NAT1: variants seen among roughly 807,000 people sequenced by gnomAD.
NAT1 encodes arylamine N-acetyltransferase 1.
For missense variants in NAT1, 400 were observed against 339.2 expected, an observed-to-expected ratio of 1.18 and a Z score of -1.41; for synonymous variants, 144 against 122.6, an observed-to-expected ratio of 1.17 and a Z score of -1.16.
At chr8:18,182,162 G>T (rs7012786) in intron 2 of NAT1, among the ~76,000 whole-genome samples, 78,062 of 151,938 alleles carry the variant, frequency 0.51, 20,334 homozygotes, top group South Asian at 0.64. Context: ...TACTGTGATA[G>T]CTCACCTGAT....
At position 18,217,050 on chromosome 8, in the gene NAT1, A is replaced by G. The variant is rs1023895704; in HGVS notation, c.-85-2361A>G. The G allele has an allele frequency of 3.4e-6, 4 of 1,187,122 alleles. No homozygotes were observed. The Admixed American group carries it at 8.9e-5, about 27-fold the overall frequency. 73.5% of individuals were successfully genotyped at this position (1,187,122 alleles called of 1,614,324 possible). A position where few individuals can be genotyped will look rare whatever the true frequency, so the allele number is the denominator to read the frequency against. ...TCGCATACAAAAAGGGAGAAAGGCA[A>G]CTTGTAGATTGGGTGCTGTGAGTCT... On this transcript the variant is annotated intron_variant, in intron 1 of 2. Transcript: ENST00000307719.
rs1376761356 is a variant in NAT1, at chr8:18,211,371, GAAAC to G, written c.-86+1203_-86+1206del. ...TACTTGTTTGCTCTTTCCTAATTAA[GAAAC>G]AAACAAACAAAAAATCAGACATACT... On this transcript the variant is annotated intron_variant, in intron 1 of 2. Coordinates refer to ENST00000307719, the MANE Select transcript of NAT1 (RefSeq NM_000662.8). 8.5e-5 allele frequency: 13 copies of G among 152,240 alleles called. 1 individual carries two copies. Among genetic ancestry groups the G allele is most frequent in the African/African-American group, 2.6e-4 (11 of 41,540 alleles). 9.4% of individuals were successfully genotyped at this position (152,240 alleles called of 1,614,324 possible). A position where few individuals can be genotyped will look rare whatever the true frequency, so the allele number is the denominator to read the frequency against.
chr8:18,171,727 G>C (rs1475637075), intron 2 of NAT1, among the ~76,000 whole-genome samples: 1 of 152,180 alleles, frequency 6.6e-6, no homozygotes. Flanking sequence ...CCAGACTGCA[G>C]AGTTTATTTA....
At chr8:18,196,778 A>G (rs1037662980) in intron 2 of NAT1, among the ~76,000 whole-genome samples, 5 of 152,222 alleles carry the variant, frequency 3.3e-5, no homozygotes, top group Non-Finnish European at 7.3e-5. Flanking sequence ...TTATTTTAAG[A>G]AAGAGGAAGG....
chr8:18,177,176 T>C (rs781640904), intron 2 of NAT1, among the ~76,000 whole-genome samples: 1 of 152,080 alleles, frequency 6.6e-6, no homozygotes, highest in East Asian at 1.9e-4. Context: ...TCCTTCCTCA[T>C]CTGTCTCTTC....
intron 1 of NAT1, chr8:18,170,585 A>G (rs926543705): frequency 7.2e-5 from 11 of 152,226 alleles, no homozygotes; most frequent in Non-Finnish European, 1.6e-4. Flanking sequence ...ATTCTGAACC[A>G]TCTTCAGTGT....
chr8:18,212,243 A>G (rs901358772), intron 1 of NAT1: 1 of 152,250 alleles, frequency 6.6e-6, no homozygotes, highest in African/African-American at 2.4e-5. Flanking sequence ...GGGATAAATC[A>G]CAATAGTTGG....
chr8:18,197,275 T>C (rs939339537), intron 2 of NAT1, among the ~76,000 whole-genome samples: 4 of 152,160 alleles, frequency 2.6e-5, no homozygotes, highest in African/African-American at 9.7e-5. Context: ...TCTTAAGCAA[T>C]TTTGTGACAC....
chr8:18,184,506 A>C (rs1206008206), intron 2 of NAT1, among the ~76,000 whole-genome samples: 1 of 152,216 alleles, frequency 6.6e-6, no homozygotes. Context: ...TCTTTTATCC[A>C]TTTAATCTAC....
At chr8:18,177,249 C>G (rs1802329195) in intron 2 of NAT1, among the ~76,000 whole-genome samples, 1 of 151,972 alleles carries the variant, frequency 6.6e-6, no homozygotes, top group Admixed American at 6.6e-5. Flanking sequence ...TTTTACCTAT[C>G]CCACTATATT....
Position 18,177,205 on chromosome 8 carries a change from C to T in NAT1, n.92+6466C>T, listed in dbSNP as rs192710811. 4.6e-5 allele frequency among the ~76,000 whole-genome samples: 7 copies of T among 152,058 alleles called. 1 individual carries two copies. In the East Asian group the frequency reaches 1.2e-3, roughly 25 times the overall value. On this transcript the variant is annotated intron_variant and non_coding_transcript_variant, in intron 2 of 4. Transcript: ENST00000517441. ...TCTCTTCCCAATGAAAAAGAATTAA[C>T]GCTCAGAATTACAGTATCTTTTCTT...
Position 18,182,062 on chromosome 8 carries a change from G to C in NAT1, n.92+11323G>C, listed in dbSNP as rs144335232. Reference sequence around the variant, plus strand: ...GTCTCTCTCCTCTCTATGGTGCCTGGCATTGAGGAGAGGTGGTTTTGGCAA... The same window carrying C: ...GTCTCTCTCCTCTCTATGGTGCCTGCCATTGAGGAGAGGTGGTTTTGGCAA... On this transcript the variant is annotated intron_variant and non_coding_transcript_variant, in intron 2 of 4. Coordinates refer to the NAT1 transcript ENST00000517441. Among the ~76,000 whole-genome samples the C allele has an allele frequency of 2.1e-3, 323 of 152,248 alleles. 2 individuals are homozygous for C. Among genetic ancestry groups the C allele is most frequent in the African/African-American group, 7.4e-3 (307 of 41,540 alleles).
chr8:18,222,826 A>C lies in NAT1; in HGVS notation c.779A>C (p.Glu260Ala), dbSNP rs759272916. ...TDLIEFKTLS[E>A]EEIEKVLKNI... ...CTAATAGAGTTCAAGACTCTGAGTG[A>C]GGAAGAAATAGAAAAAGTGCTGAAA... Residue 260 changes from glutamate to alanine, a missense_variant, in exon 3 of 3, where the codon GAG becomes GCG. Physicochemically the swap from Glu to Ala is moderately radical, Grantham distance 107. Coordinates refer to ENST00000307719, the MANE Select transcript of NAT1 (RefSeq NM_000662.8). 62 of 1,606,172 alleles carry C rather than the reference A, an allele frequency of 3.9e-5. No homozygotes were observed. The highest frequency in any genetic ancestry group is 5.2e-5 in the Non-Finnish European group (61 of 1,177,630).
chr8:18,210,889 C>G (rs1236620817), intron 1 of NAT1, among the ~76,000 whole-genome samples: 2 of 152,226 alleles, frequency 1.3e-5, no homozygotes, highest in Non-Finnish European at 2.9e-5. Flanking sequence ...ATTCTCCTGC[C>G]TCAGCCTCCT....
chr8:18,180,777 T>C (rs1015123644), intron 2 of NAT1, among the ~76,000 whole-genome samples: 1 of 152,170 alleles, frequency 6.6e-6, no homozygotes, highest in Non-Finnish European at 1.5e-5. Context: ...TAAATATATG[T>C]AATTATAATG....
intron 2 of NAT1, among the ~76,000 whole-genome samples, chr8:18,197,878 G>A (rs558204507): frequency 1.3e-5 from 2 of 150,830 alleles, no homozygotes; most frequent in Admixed American, 6.6e-5. Context: ...GTTCTGGGAA[G>A]TATGTTTATA....
At chr8:18,220,936 G>A (rs8190842) in intron 2 of NAT1, among the ~76,000 whole-genome samples, 3,943 of 152,184 alleles carry the variant, frequency 0.026, 74 homozygotes, top group Middle Eastern at 0.085. Context: ...TCCATAAGGC[G>A]CAATATGGGC....
At chr8:18,221,926 T>G in intron 2 of NAT1, 116 bp from the exon 3 acceptor site, 5 of 1,118,476 alleles carry the variant, frequency 4.5e-6, no homozygotes, top group Non-Finnish European at 6.4e-6. Flanking sequence ...CTAGAAATAA[T>G]TATTATACTT....
intron 2 of NAT1, among the ~76,000 whole-genome samples, chr8:18,183,435 C>T (rs1802602664): frequency 6.6e-6 from 1 of 152,114 alleles, no homozygotes. Context: ...AGTCCAAAGT[C>T]CAGAGTCCCA....
Sources: allele counts gnomAD v4.1 joint callset (sites outside exome capture counted in the v4.1 genomes callset), GRCh38; gene constraint gnomAD v4.1.1; transcripts MANE v1.5; gene names NCBI Gene and HGNC (gene_info 2026-07-23, HGNC 2026-07-21).